STK3: variants seen among roughly 807,000 people sequenced by gnomAD.
STK3 encodes the protein serine/threonine kinase 3.
Under a neutral mutation model 58.0 loss-of-function variants are expected in STK3, and 41 were observed. The ratio of observed to expected loss-of-function variants is 0.71; its 90% CI spans 0.55 to 0.92. The LOEUF is 0.92. STK3 is among the 40% of genes least tolerant of loss of function. The pLI, the probability that STK3 is intolerant of heterozygous loss-of-function variation, is 0.00. For missense variants in STK3, 479 were observed against 602.7 expected, an observed-to-expected ratio of 0.79 and a Z score of 2.15; for synonymous variants, 170 against 191.0, an observed-to-expected ratio of 0.89 and a Z score of 0.91.
At chr8:98,453,080 G>GTTT (rs919288019), downstream of STK3, among the ~76,000 whole-genome samples, 25 of 39,668 alleles carry the variant, frequency 6.3e-4, 1 homozygote, top group South Asian at 7.1e-4. Flanking sequence ...TTTCTTTCTT[G>GTTT]TTTTTTTTTT....
chr8:98,771,536 T>C (rs1310055625), intron 2 of STK3, among the ~76,000 whole-genome samples: 2 of 152,148 alleles, frequency 1.3e-5, no homozygotes, highest in Non-Finnish European at 2.9e-5. Flanking sequence ...TACTGATCTC[T>C]TCAAAAGCTT....
intron 10 of STK3, among the ~76,000 whole-genome samples, chr8:98,494,746 T>TTAAG (rs1822995631): frequency 6.9e-6 from 1 of 144,852 alleles, no homozygotes; most frequent in African/African-American, 2.5e-5. Context: ...AGGAAACCAA[T>TTAAG]CTTAAACAGT....
intron 9 of STK3, among the ~76,000 whole-genome samples, chr8:98,533,189 G>A (rs1405107885): frequency 1.3e-5 from 2 of 152,080 alleles, no homozygotes; most frequent in African/African-American, 4.8e-5. Flanking sequence ...CATGAGTATA[G>A]AAATACATCT....
upstream of STK3, among the ~76,000 whole-genome samples, chr8:98,390,487 G>A (rs1817838169): frequency 1.3e-5 from 2 of 152,164 alleles, no homozygotes; most frequent in South Asian, 4.1e-4. Context: ...ATTTGATTAT[G>A]AAGTGGCTGG....
intron 10 of STK3, among the ~76,000 whole-genome samples, chr8:98,478,712 G>A (rs909729891): frequency 1.3e-5 from 2 of 152,194 alleles, no homozygotes; most frequent in African/African-American, 4.8e-5. Context: ...ATAAACACAT[G>A]TCACAGAGAT....
chr8:98,556,629 T>C (rs144091687), intron 8 of STK3, among the ~76,000 whole-genome samples: 1 of 152,058 alleles, frequency 6.6e-6, no homozygotes, highest in Admixed American at 6.6e-5. Flanking sequence ...TCATGGATGC[T>C]TTCAACACTG....
chr8:98,583,322 C>A (rs1297676718), intron 7 of STK3, among the ~76,000 whole-genome samples: 1 of 152,156 alleles, frequency 6.6e-6, no homozygotes, highest in Non-Finnish European at 1.5e-5. Flanking sequence ...TCTAAATATT[C>A]AAATTCTCGG....
intron 3 of STK3, among the ~76,000 whole-genome samples, chr8:98,754,578 C>T (rs571116339): frequency 5.9e-5 from 9 of 151,748 alleles, no homozygotes; most frequent in Non-Finnish European, 1.0e-4. Flanking sequence ...GGCACCATGT[C>T]GGCTCACAGC....
intron 4 of STK3, among the ~76,000 whole-genome samples, chr8:98,747,839 TAAC>T (rs984958177): frequency 6.6e-6 from 1 of 152,192 alleles, no homozygotes; most frequent in African/African-American, 2.4e-5. Context: ...TGTGTGAGCG[TAAC>T]AACTATGTTA....
intron 4 of STK3, among the ~76,000 whole-genome samples, chr8:98,723,444 A>G (rs1827576149): frequency 6.6e-6 from 1 of 152,110 alleles, no homozygotes; most frequent in Non-Finnish European, 1.5e-5. Flanking sequence ...GTCACTGTGT[A>G]TATGGTTTTG....
intron 10 of STK3, among the ~76,000 whole-genome samples, chr8:98,520,108 G>C (rs1825238759): frequency 6.6e-6 from 1 of 152,030 alleles, no homozygotes; most frequent in Non-Finnish European, 1.5e-5. Context: ...GGATGTTAAG[G>C]CTGTTTGGAA....
intron 1 of STK3, among the ~76,000 whole-genome samples, chr8:98,807,544 C>A (rs752359085): frequency 2.6e-5 from 4 of 152,102 alleles, no homozygotes; most frequent in Non-Finnish European, 5.9e-5. Context: ...AGGTGTGAGC[C>A]ACTGTACCCG....
At chr8:98,485,598 A>G (rs1401386528) in intron 10 of STK3, among the ~76,000 whole-genome samples, 1 of 152,208 alleles carries the variant, frequency 6.6e-6, no homozygotes, top group Non-Finnish European at 1.5e-5. Flanking sequence ...GCTGGGTAAG[A>G]TTTCAACTAG....
chr8:98,659,979 T>C (rs1034793770), intron 6 of STK3, among the ~76,000 whole-genome samples: 6 of 151,654 alleles, frequency 4.0e-5, no homozygotes, highest in African/African-American at 9.7e-5. Flanking sequence ...AGAAATTTAG[T>C]GGGTAAAAAG....
At chr8:98,556,541 G>T (rs918002244) in intron 8 of STK3, among the ~76,000 whole-genome samples, 1 of 152,026 alleles carries the variant, frequency 6.6e-6, no homozygotes, top group African/African-American at 2.4e-5. Context: ...AGAAATAACC[G>T]AGAACAAAAG....
At chr8:98,705,003 T>C (rs1825869084) in intron 6 of STK3, among the ~76,000 whole-genome samples, 1 of 152,232 alleles carries the variant, frequency 6.6e-6, no homozygotes, top group Non-Finnish European at 1.5e-5. Context: ...AGACTTTGTG[T>C]TCCTGTTTTT....
At chr8:98,405,505 A>AATC (rs1817985094) in intron 3 of STK3, among the ~76,000 whole-genome samples, 1 of 152,146 alleles carries the variant, frequency 6.6e-6, no homozygotes, top group Admixed American at 6.5e-5. Context: ...GTAGGAACTC[A>AATC]ATCACTGTGC....
intron 1 of STK3, among the ~76,000 whole-genome samples, chr8:98,814,477 G>T (rs756401269): frequency 2.1e-4 from 32 of 151,662 alleles, no homozygotes; most frequent in Admixed American, 5.9e-4. Context: ...CAAGTCACTG[G>T]GACAAAGGCA....
chr8:98,781,651 C>G (rs1213078022), intron 1 of STK3, among the ~76,000 whole-genome samples: 1 of 152,128 alleles, frequency 6.6e-6, no homozygotes, highest in East Asian at 1.9e-4. Context: ...CAGATTCTCC[C>G]TAGAGGAGCT....
Sources: gnomAD v4.1 joint callset for allele counts (sites outside exome capture counted in the v4.1 genomes callset) on GRCh38, gnomAD v4.1.1 for gene constraint, MANE v1.5 for transcripts, NCBI Gene and HGNC (gene_info 2026-07-23, HGNC 2026-07-21) for gene names.